Variants in ADAM28 observed in about 807,000 individuals in gnomAD.
ADAM28 encodes the protein disintegrin and metalloproteinase domain-containing protein 28.
ADAM28 carries 105 observed loss-of-function variants against 101.2 expected under a neutral mutation model. The observed-to-expected ratio is 1.04, with a 90% CI of 0.89 to 1.22. The LOEUF is 1.22. ADAM28 is among the 50% of genes most tolerant of loss of function. ADAM28 has a pLI of 0.00. For synonymous variants in ADAM28, 322 were observed against 310.6 expected (o/e 1.04, Z -0.39); for missense variants, 1,028 against 945.4 (o/e 1.09, Z -1.15).
intron 10 of ADAM28, among the ~76,000 whole-genome samples, chr8:24,327,440 A>G (rs1289985099): frequency 1.3e-5 from 2 of 152,184 alleles, no homozygotes; most frequent in Non-Finnish European, 2.9e-5. Flanking sequence ...GGAAGAATCA[A>G]TATCATGGAA....
At chr8:24,341,991 T>G (rs1439721841) in intron 16 of ADAM28, among the ~76,000 whole-genome samples, 1 of 152,202 alleles carries the variant, frequency 6.6e-6, no homozygotes, top group African/African-American at 2.4e-5. Flanking sequence ...TGGTGAAATT[T>G]GGAAATAATT....
At chr8:24,338,173 A>AT (rs1278486113) in intron 14 of ADAM28, among the ~76,000 whole-genome samples, 1 of 152,210 alleles carries the variant, frequency 6.6e-6, no homozygotes, top group East Asian at 1.9e-4. Context: ...TTCAACCAGC[A>AT]TTTTTTAATG....
chr8:24,320,540 A>G (rs751174462), intron 7 of ADAM28, among the ~76,000 whole-genome samples: 1 of 151,980 alleles, frequency 6.6e-6, no homozygotes, highest in Non-Finnish European at 1.5e-5. Flanking sequence ...CACTTATAAC[A>G]CTATTTTCTT....
chr8:24,303,310 AT>A (rs1389891150), intron 2 of ADAM28, among the ~76,000 whole-genome samples: 6 of 152,072 alleles, frequency 3.9e-5, no homozygotes, highest in Non-Finnish European at 8.8e-5. Context: ...TCTTGAGTTA[AT>A]TTTTGTATAA....
chr8:24,335,990 C>T, intron 14 of ADAM28: 3 of 1,037,048 alleles, frequency 2.9e-6, no homozygotes, highest in Non-Finnish European at 3.5e-6. Flanking sequence ...TTCTTTTCAT[C>T]TGGCAACCCT....
rs139099695 is a variant in ADAM28, at chr8:24,353,794, C to G, written c.2269C>G (p.Pro757Ala). The change falls in exon 22 of 23, where the codon CCT becomes GCT. Residue 757 changes from proline to alanine, a missense_variant. Transcript: ENST00000265769. ...GCATAAAGACACAAACGCACTTCCC[C>G]CTACTGTTTTCAAGGATAATCCAGT... Reference protein sequence around the residue: ...SFHKDTNALPPTVFKDNPVST... With the variant: ...SFHKDTNALPATVFKDNPVST... 1 of 1,521,824 alleles carries G rather than the reference C, an allele frequency of 6.6e-7. No individual in the cohort carries two copies. Among genetic ancestry groups the G allele is most frequent in the African/African-American group, 1.4e-5 (1 of 73,012 alleles). 94.3% of individuals were successfully genotyped at this position (1,521,824 alleles called of 1,614,324 possible). A position where few individuals can be genotyped will look rare whatever the true frequency, so the allele number is the denominator to read the frequency against.
At chr8:24,308,028 C>T (rs112258340) in intron 2 of ADAM28, among the ~76,000 whole-genome samples, 51 of 152,270 alleles carry the variant, frequency 3.3e-4, no homozygotes, top group African/African-American at 1.2e-3. Flanking sequence ...TTTGCTCCAT[C>T]CCAGAAACAT....
At chr8:24,328,686 C>T (rs571214752) in intron 10 of ADAM28, among the ~76,000 whole-genome samples, 1 of 151,870 alleles carries the variant, frequency 6.6e-6, no homozygotes, top group African/African-American at 2.4e-5. Flanking sequence ...CCAGCACTTT[C>T]GAAGGCCAAG....
At chr8:24,322,867 T>C (rs563039101) in intron 8 of ADAM28, among the ~76,000 whole-genome samples, 1 of 152,020 alleles carries the variant, frequency 6.6e-6, no homozygotes, top group Admixed American at 6.6e-5. Context: ...TGTGCACTTT[T>C]AGAAACTATA....
chr8:24,308,190 G>T (rs973294957), intron 2 of ADAM28, among the ~76,000 whole-genome samples: 2 of 151,974 alleles, frequency 1.3e-5, no homozygotes, highest in Non-Finnish European at 2.9e-5. Flanking sequence ...AAATCAAGGT[G>T]CATCTTACTT....
In ADAM28 at chr8:24,320,295, G is replaced by T; in HGVS notation, c.636G>T (p.Leu212=). The change falls in exon 7 of 23, where the codon CTG becomes CTT. Residue 212 remains leucine, a synonymous_variant. Transcript: ENST00000265769. ...AATACATAGAATATTATTTGGTCCT[G>T]GATAATGGTGAGGTAATTATATGAG... ...HEKYIEYYLV[L]DNGEFKRYNE... is the part of the protein sequence containing the mutation. The T allele has an allele frequency of 1.2e-6, 2 of 1,600,170 alleles. No individual in the cohort carries two copies. Among genetic ancestry groups the T allele is most frequent in the Non-Finnish European group, 1.7e-6 (2 of 1,170,106 alleles).
intron 18 of ADAM28, among the ~76,000 whole-genome samples, chr8:24,346,781 C>T (rs1324262635): frequency 1.3e-5 from 2 of 151,994 alleles, no homozygotes; most frequent in African/African-American, 4.8e-5. Context: ...GTCTGATCTC[C>T]CCTCTTTCTC....
chr8:24,329,884 T>TAA (rs1813124931), intron 10 of ADAM28, 101 bp from the exon 11 acceptor site: 1 of 659,466 alleles, frequency 1.5e-6, no homozygotes, highest in African/African-American at 2.9e-5. Flanking sequence ...TGTGTGTGTG[T>TAA]GTGAGAGAGA....
intron 1 of ADAM28, among the ~76,000 whole-genome samples, chr8:24,294,902 A>AATTAG (rs1807759372): frequency 6.6e-6 from 1 of 152,256 alleles, no homozygotes; most frequent in South Asian, 2.1e-4. Flanking sequence ...ACTTTGGTTA[A>AATTAG]ATTAGATTGG....
intron 4 of ADAM28, 108 bp from the exon 5 acceptor site, chr8:24,311,253 A>G (rs1052717298): frequency 1.4e-6 from 1 of 730,036 alleles, no homozygotes; most frequent in African/African-American, 1.8e-5. Flanking sequence ...GTACAGCAGA[A>G]TATTGTTTGA....
At chr8:24,328,296 T>C (rs1463045850) in intron 10 of ADAM28, among the ~76,000 whole-genome samples, 1 of 151,958 alleles carries the variant, frequency 6.6e-6, no homozygotes, top group Non-Finnish European at 1.5e-5. Context: ...CCCCAACTTA[T>C]TGGTGGATTC....
At chr8:24,295,575 G>A (rs1027437342) in intron 1 of ADAM28, among the ~76,000 whole-genome samples, 2 of 152,224 alleles carry the variant, frequency 1.3e-5, no homozygotes, top group Non-Finnish European at 2.9e-5. Context: ...GTTGAAGAGC[G>A]TAAAGATCAA....
At chr8:24,353,749 T>C in intron 21 of ADAM28, 21 bp from the exon 22 acceptor site, 1 of 1,400,860 alleles carries the variant, frequency 7.1e-7, no homozygotes, top group South Asian at 1.2e-5. Flanking sequence ...TGCCATACCA[T>C]TGTTTTTATA....
chr8:24,347,196 C>T (rs142607897), intron 18 of ADAM28, among the ~76,000 whole-genome samples: 1 of 152,062 alleles, frequency 6.6e-6, no homozygotes, highest in Admixed American at 6.6e-5. Flanking sequence ...CCCCTTTACT[C>T]TATTAGTACT....
Sources: gnomAD v4.1 joint callset for allele counts (sites outside exome capture counted in the v4.1 genomes callset) on GRCh38, gnomAD v4.1.1 for gene constraint, MANE v1.5 for transcripts, NCBI Gene and HGNC (gene_info 2026-07-23, HGNC 2026-07-21) for gene names.